Variants in KIAA0825 observed in about 807,000 individuals in gnomAD.
The protein encoded by KIAA0825 is KIAA0825.
Under a neutral mutation model 147.6 loss-of-function variants are expected in KIAA0825, and 119 were observed. The ratio of observed to expected loss-of-function variants is 0.81; its 90% CI spans 0.69 to 0.94. The LOEUF (loss-of-function observed/expected upper bound fraction) is 0.94. Ranked by LOEUF, KIAA0825 falls within the 40% of genes least tolerant of loss-of-function variation. The pLI, the probability that KIAA0825 is intolerant of heterozygous loss-of-function variation, is 0.00. For missense variants in KIAA0825, 1,381 were observed against 1,472.7 expected, an observed-to-expected ratio of 0.94 and a Z score of 1.02; for synonymous variants, 470 against 518.1, an observed-to-expected ratio of 0.91 and a Z score of 1.26.
chr5:94,268,422 G>A (rs1311799777), intron 20 of KIAA0825, among the ~76,000 whole-genome samples: 3 of 152,016 alleles, frequency 2.0e-5, no homozygotes, highest in African/African-American at 4.8e-5. Context: ...AGGAGGGAGC[G>A]GGAGCAATAC....
chr5:94,246,233 G>C (rs534689360), intron 20 of KIAA0825, among the ~76,000 whole-genome samples: 1 of 152,248 alleles, frequency 6.6e-6, no homozygotes, highest in South Asian at 2.1e-4. Flanking sequence ...ATTTTCCAAA[G>C]TGGCAAAGTG....
chr5:94,470,273 A>G (rs35884882), intron 9 of KIAA0825, among the ~76,000 whole-genome samples, 162 bp from the exon 10 acceptor site: 1 of 152,230 alleles, frequency 6.6e-6, no homozygotes, highest in Non-Finnish European at 1.5e-5. Flanking sequence ...AAGGAAAAAA[A>G]AAAATAAAAA....
intron 20 of KIAA0825, among the ~76,000 whole-genome samples, chr5:94,336,003 T>G (rs1476105110): frequency 6.6e-6 from 1 of 152,206 alleles, no homozygotes; most frequent in Non-Finnish European, 1.5e-5. Context: ...TAGTATATTC[T>G]CATTTATAAT....
intron 14 of KIAA0825, among the ~76,000 whole-genome samples, chr5:94,430,733 G>C: frequency 6.6e-6 from 1 of 152,124 alleles, no homozygotes; most frequent in East Asian, 1.9e-4. Context: ...TGTTTCTACA[G>C]TCATATTAGA....
chr5:94,477,234 CTAA>C, intron 6 of KIAA0825, 29 bp from the exon 7 acceptor site: 1 of 1,342,790 alleles, frequency 7.4e-7, no homozygotes, highest in East Asian at 2.5e-5. Flanking sequence ...AACAAACACA[CTAA>C]TATATATTGT....
At chr5:94,499,477 T>C (rs1313960122) in intron 5 of KIAA0825, among the ~76,000 whole-genome samples, 1 of 151,592 alleles carries the variant, frequency 6.6e-6, no homozygotes, top group African/African-American at 2.4e-5. Flanking sequence ...TGGGCATAAG[T>C]TAGAAGGAAC....
Position 94,162,589 on chromosome 5 carries a change from G to C in KIAA0825, c.3711-8465C>G, listed in dbSNP as rs147272675. Reference sequence around the variant, plus strand: ...ATTATAAGTGTCAGCTACCATTCCTGGTCTGGTTATGCTATTTAATGATCA... The same window carrying C: ...ATTATAAGTGTCAGCTACCATTCCTCGTCTGGTTATGCTATTTAATGATCA... On this transcript the variant is annotated intron_variant, in intron 20 of 20. Transcript: ENST00000682413. Among the ~76,000 whole-genome samples the C allele has an allele frequency of 1.6e-3, 244 of 152,180 alleles. 1 individual carries two copies. Among genetic ancestry groups the C allele is most frequent in the African/African-American group, 5.6e-3 (231 of 41,536 alleles).
At chr5:94,518,347 T>C (rs184875224) in intron 5 of KIAA0825, among the ~76,000 whole-genome samples, 3 of 152,266 alleles carry the variant, frequency 2.0e-5, no homozygotes, top group East Asian at 3.9e-4. Context: ...GCACAGAACA[T>C]GGTAGCTGCT....
intron 20 of KIAA0825, among the ~76,000 whole-genome samples, chr5:94,306,828 C>G (rs1342726080): frequency 6.6e-6 from 1 of 151,660 alleles, no homozygotes; most frequent in Non-Finnish European, 1.5e-5. Flanking sequence ...GCCTTAATAA[C>G]AAGTGAAGAG....
chr5:94,594,428 T>C, intron 1 of KIAA0825: 5 of 730,934 alleles, frequency 6.8e-6, no homozygotes, highest in Non-Finnish European at 1.3e-5. Context: ...TTACTCCTTA[T>C]TACCATACAG....
At chr5:94,580,202 T>C (rs928490424) in intron 2 of KIAA0825, among the ~76,000 whole-genome samples, 1 of 152,184 alleles carries the variant, frequency 6.6e-6, no homozygotes, top group Non-Finnish European at 1.5e-5. Context: ...TACCCAGTCA[T>C]TGATTAAAAC....
intron 3 of KIAA0825, among the ~76,000 whole-genome samples, chr5:94,535,828 T>C (rs1771893054): frequency 6.6e-6 from 1 of 152,216 alleles, no homozygotes; most frequent in Admixed American, 6.5e-5. Context: ...ACACAGGTGG[T>C]TTCCCCAATT....
intron 20 of KIAA0825, among the ~76,000 whole-genome samples, chr5:94,269,285 A>G (rs1034802995): frequency 3.1e-4 from 47 of 152,314 alleles, no homozygotes; most frequent in African/African-American, 1.1e-3. Context: ...CACAGAAAAT[A>G]AAAAGCAAGA....
intron 15 of KIAA0825, among the ~76,000 whole-genome samples, chr5:94,409,011 C>A (rs1752431752): frequency 6.6e-6 from 1 of 152,076 alleles, no homozygotes; most frequent in Admixed American, 6.5e-5. Context: ...ACTACAGATT[C>A]ATGGTATGAA....
At chr5:94,365,287 G>A (rs745607977) in intron 20 of KIAA0825, among the ~76,000 whole-genome samples, 11 of 152,198 alleles carry the variant, frequency 7.2e-5, no homozygotes, top group African/African-American at 2.2e-4. Flanking sequence ...TTGTGTTTGC[G>A]TCCTCAATTC....
At chr5:94,274,607 A>G (rs921670054) in intron 20 of KIAA0825, among the ~76,000 whole-genome samples, 3 of 152,128 alleles carry the variant, frequency 2.0e-5, no homozygotes, top group African/African-American at 7.2e-5. Flanking sequence ...TTTGCATACT[A>G]CAGCCAGAAA....
chr5:94,240,852 A>C (rs1310208834), intron 20 of KIAA0825, among the ~76,000 whole-genome samples: 2 of 152,176 alleles, frequency 1.3e-5, no homozygotes, highest in Non-Finnish European at 2.9e-5. Context: ...CACTGAGGTA[A>C]TAGTTCCATT....
intron 15 of KIAA0825, chr5:94,416,804 C>T (rs1019579181): frequency 5.8e-6 from 1 of 172,020 alleles, no homozygotes; most frequent in East Asian, 1.5e-4. Flanking sequence ...TGAAGAAAAT[C>T]GACCAATAGT....
chr5:94,157,449 G>A (rs989111684), intron 20 of KIAA0825, among the ~76,000 whole-genome samples: 3 of 152,192 alleles, frequency 2.0e-5, no homozygotes, highest in Non-Finnish European at 2.9e-5. Flanking sequence ...GGCAAGCACA[G>A]TAGGGACTCT....
Sources: allele counts gnomAD v4.1 joint callset (sites outside exome capture counted in the v4.1 genomes callset), GRCh38; gene constraint gnomAD v4.1.1; transcripts MANE v1.5; gene names NCBI Gene and HGNC (gene_info 2026-07-23, HGNC 2026-07-21).